Variants in PMEPA1 observed in about 807,000 individuals in gnomAD.
PMEPA1 encodes the protein protein TMEPAI.
Under a neutral mutation model 23.0 loss-of-function variants are expected in PMEPA1, and 11 were observed. The observed-to-expected ratio is 0.48, with a 90% CI of 0.30 to 0.79. The LOEUF is 0.79. Ranked by LOEUF, PMEPA1 falls within the 30% of genes least tolerant of loss-of-function variation. PMEPA1 has a pLI of 0.06. For synonymous variants in PMEPA1, 204 were observed against 166.4 expected, an observed-to-expected ratio of 1.23 and a Z score of -1.74; for missense variants, 377 against 390.9, an observed-to-expected ratio of 0.96 and a Z score of 0.30.
chr20:57,665,536 G>A (rs2071480581), intron 1 of PMEPA1, among the ~76,000 whole-genome samples: 1 of 151,288 alleles, frequency 6.6e-6, no homozygotes, highest in Non-Finnish European at 1.5e-5. Context: ...GAACCAACCG[G>A]GGCAGGGGTG....
Position 57,651,283 on chromosome 20 carries a change from C to T in PMEPA1, c.*770G>A, listed in dbSNP as rs1006423413. ...GACAGTGGCCCCTCGGGAAAGCCCG[C>T]CGCTCCTGGCCAAGGCCTCTCTGCA... On this transcript the variant is annotated 3_prime_UTR_variant, in exon 4 of 4. Transcript: ENST00000341744. 8 of 152,712 alleles carry T rather than the reference C, an allele frequency of 5.2e-5. No homozygotes were observed. The highest frequency in any genetic ancestry group is 5.2e-4 in the Admixed American group (8 of 15,312). 9.5% of individuals were successfully genotyped at this position (152,712 alleles called of 1,614,324 possible).
intron 1 of PMEPA1, among the ~76,000 whole-genome samples, chr20:57,695,595 C>T (rs1051214051): frequency 1.3e-5 from 2 of 152,202 alleles, no homozygotes; most frequent in Non-Finnish European, 2.9e-5. Flanking sequence ...AAGTTCGAGA[C>T]CAGTCTGGCC....
At chr20:57,698,695 C>A (rs1405198310) in intron 1 of PMEPA1, among the ~76,000 whole-genome samples, 1 of 152,176 alleles carries the variant, frequency 6.6e-6, no homozygotes, top group Non-Finnish European at 1.5e-5. Flanking sequence ...GCGGCGGGCA[C>A]CAAGTTCCTG....
chr20:57,667,022 C>G (rs537761390), intron 1 of PMEPA1, among the ~76,000 whole-genome samples: 1 of 152,202 alleles, frequency 6.6e-6, no homozygotes, highest in African/African-American at 2.4e-5. Context: ...TAAATGACCT[C>G]GCAGTGGACA....
At chr20:57,690,905 C>G (rs2071873700) in intron 1 of PMEPA1, among the ~76,000 whole-genome samples, 1 of 152,184 alleles carries the variant, frequency 6.6e-6, no homozygotes, top group African/African-American at 2.4e-5. Context: ...GAGGAAAGAA[C>G]TACTGCGCCT....
rs117578445 is a variant in PMEPA1, at chr20:57,679,778, G to C, written c.110-20081C>G. ...TCCCTAAGTGATCAGAATTGTAAAC[G>C]ACCCAGGGGAAAACCTTGGGAAAAA... On this transcript the variant is annotated intron_variant, in intron 1 of 3. Coordinates refer to ENST00000341744, the MANE Select transcript of PMEPA1 (RefSeq NM_020182.5). 6.9e-3 allele frequency among the ~76,000 whole-genome samples: 1,051 copies of C among 152,314 alleles called. 8 individuals carry two copies. The highest frequency in any genetic ancestry group is 0.011 in the Non-Finnish European group (733 of 68,028).
rs989436534 is a variant in PMEPA1 at position 57,651,566 on chromosome 20, A to G, written c.*487T>C. 2 of 149,738 alleles carry G rather than the reference A, an allele frequency of 1.3e-5. No homozygotes were observed. The highest frequency in any genetic ancestry group is 4.9e-5 in the African/African-American group (2 of 41,146). 9.3% of individuals were successfully genotyped at this position (149,738 alleles called of 1,614,324 possible). ...TTTTTTTCCTCTTCTAGTTCAGAAA[A>G]CAACTTTTTTTTTTAATAGGCCTCT... On this transcript the variant is annotated 3_prime_UTR_variant, in exon 4 of 4. Transcript: ENST00000341744.
rs1038649158 is a variant in PMEPA1, at chr20:57,704,552, C to T, written c.109+4922G>A. 2.0e-5 allele frequency among the ~76,000 whole-genome samples: 3 copies of T among 152,350 alleles called. No homozygotes were observed. Among genetic ancestry groups the T allele is most frequent in the African/African-American group, 4.8e-5 (2 of 41,572 alleles). ...CAGCAGCACAGCCTCCGAAATTCAC[C>T]GTGTAAGAGTTCCTTCTCTTTGGGC... On this transcript the variant is annotated intron_variant, in intron 1 of 3. Coordinates refer to ENST00000341744, the MANE Select transcript of PMEPA1 (RefSeq NM_020182.5). The surrounding 1 kb of genome is among the most constrained non-coding windows in gnomAD (Gnocchi z 4.6).
chr20:57,671,237 T>C (rs1299724411), intron 1 of PMEPA1, among the ~76,000 whole-genome samples: 1 of 152,048 alleles, frequency 6.6e-6, no homozygotes, highest in Non-Finnish European at 1.5e-5. Flanking sequence ...CAGAACGGAG[T>C]GAACTCACAG....
intron 1 of PMEPA1, among the ~76,000 whole-genome samples, chr20:57,665,589 C>T (rs1295331791): frequency 6.6e-6 from 1 of 151,810 alleles, no homozygotes; most frequent in East Asian, 1.9e-4. Flanking sequence ...GAACGTAGCA[C>T]ACTCAACTGT....
At chr20:57,698,175 G>GAT (rs2071966280) in intron 1 of PMEPA1, among the ~76,000 whole-genome samples, 3 of 152,180 alleles carry the variant, frequency 2.0e-5, no homozygotes, top group African/African-American at 7.2e-5. Context: ...CCCGAGATAG[G>GAT]AGTGCATTGA....
intron 1 of PMEPA1, among the ~76,000 whole-genome samples, chr20:57,693,727 A>C (rs898128876): frequency 6.6e-6 from 1 of 152,214 alleles, no homozygotes; most frequent in Non-Finnish European, 1.5e-5. Context: ...TTCCATTACA[A>C]AAAGGGAACA....
Position 57,664,349 on chromosome 20 carries a change from G to C in PMEPA1, c.110-4652C>G, listed in dbSNP as rs140695155. Among the ~76,000 whole-genome samples the C allele has an allele frequency of 9.2e-5, 14 of 152,310 alleles. 1 individual carries two copies. Among genetic ancestry groups the C allele is most frequent in the African/African-American group, 3.4e-4 (14 of 41,570 alleles). The stretch of plus-strand genomic sequence containing the variant: ...GCACTGATCAGGGCCCACTCAGGCC[G>C]AGTTCATCAAGCATGGGCTCCCTCC... On this transcript the variant is annotated intron_variant, in intron 1 of 3. Transcript: ENST00000341744.
chr20:57,707,149 AAAC>A (rs1454306568), intron 1 of PMEPA1, among the ~76,000 whole-genome samples: 2 of 152,202 alleles, frequency 1.3e-5, no homozygotes, highest in Non-Finnish European at 2.9e-5. Flanking sequence ...TTCTCGTTGC[AAAC>A]AACTCCCAGC....
chr20:57,675,312 A>G (rs74855498), intron 1 of PMEPA1, among the ~76,000 whole-genome samples: 1 of 152,126 alleles, frequency 6.6e-6, no homozygotes, highest in South Asian at 2.1e-4. Flanking sequence ...CACCCCGAAA[A>G]GCAGCCTCCA....
At chr20:57,699,003 T>C (rs577269106) in intron 1 of PMEPA1, among the ~76,000 whole-genome samples, 1 of 152,366 alleles carries the variant, frequency 6.6e-6, no homozygotes, top group South Asian at 2.1e-4. Flanking sequence ...ATTGAAGCTC[T>C]GCTACCTGCT....
At chr20:57,662,321 T>C (rs1012367434) in intron 1 of PMEPA1, among the ~76,000 whole-genome samples, 9 of 152,172 alleles carry the variant, frequency 5.9e-5, no homozygotes, top group African/African-American at 2.2e-4. Context: ...ACGGGCGTTT[T>C]TATTATCATC....
rs2071745643 is a variant in PMEPA1, at chr20:57,683,300, A to T, written c.110-23603T>A. Among the ~76,000 whole-genome samples the T allele has an allele frequency of 6.6e-6, 1 of 152,226 alleles. No homozygotes were observed. Reference sequence around the variant, plus strand: ...GAGAGGCCAGTTTTTGGAGGGAAACATCAATACTGTTGCCATTCAGTTCTC... The same window carrying T: ...GAGAGGCCAGTTTTTGGAGGGAAACTTCAATACTGTTGCCATTCAGTTCTC... On this transcript the variant is annotated intron_variant, in intron 1 of 3. Transcript: ENST00000341744. This position sits in a 1 kb window ranked among gnomAD's most constrained non-coding sequence, Gnocchi z 4.3.
At position 57,655,423 on chromosome 20, in the gene PMEPA1, C is replaced by T. The variant is rs1040775482; in HGVS notation, c.265-2337G>A. Among the ~76,000 whole-genome samples, 1 of 152,222 alleles carries T rather than the reference C, an allele frequency of 6.6e-6. No homozygotes were observed. The highest frequency in any genetic ancestry group is 6.5e-5 in the Admixed American group (1 of 15,284). On this transcript the variant is annotated intron_variant, in intron 2 of 3. Transcript: ENST00000341744. The surrounding 1 kb of genome is among the most constrained non-coding windows in gnomAD (Gnocchi z 4.2). ...TCACTCGCCCTGCAGGAGCTGCTAC[C>T]GTTTCCCCAGTGCCAGGCGCCGGCG...
Sources: gnomAD v4.1 joint callset for allele counts (sites outside exome capture counted in the v4.1 genomes callset) on GRCh38, gnomAD v4.1.1 for gene constraint, Gnocchi (gnomAD v3.1) non-coding constraint, MANE v1.5 for transcripts, NCBI Gene and HGNC (gene_info 2026-07-23, HGNC 2026-07-21) for gene names.